The following CERS6 variants were observed in gnomAD, a reference collection of about 807,000 sequenced individuals.
CERS6 encodes the protein LAG1 homolog, ceramide synthase 6.
CERS6 carries 26 observed loss-of-function variants against 56.8 expected under a neutral mutation model. That is an observed-to-expected ratio of 0.46 (90% CI 0.34 to 0.63). The LOEUF (loss-of-function observed/expected upper bound fraction) is 0.63, where lower values mean the gene tolerates loss of function less well. Ranked by LOEUF, CERS6 falls within the 30% of genes least tolerant of loss-of-function variation. The probability of loss-of-function intolerance (pLI) is 0.01; values close to 1 mark genes in which losing one functional copy is unlikely to be tolerated. For synonymous variants in CERS6, 164 were observed against 173.3 expected (o/e 0.95, Z 0.42); for missense variants, 415 against 467.5 (o/e 0.89, Z 1.04).
chr2:168,766,616 G>T (rs1224893127), intron 9 of CERS6, among the ~76,000 whole-genome samples: 1 of 152,228 alleles, frequency 6.6e-6, no homozygotes, highest in East Asian at 1.9e-4. Context: ...TGACAGGATG[G>T]TGTGAAAGCT....
At chr2:168,485,361 TCATAGTTTA>T in intron 1 of CERS6, among the ~76,000 whole-genome samples, 1 of 152,200 alleles carries the variant, frequency 6.6e-6, no homozygotes, top group Non-Finnish European at 1.5e-5. Context: ...TAACTAAAGT[TCATAGTTTA>T]CATAAGTATT....
intron 6 of CERS6, among the ~76,000 whole-genome samples, chr2:168,706,462 A>T (rs11686406): frequency 1.3e-5 from 2 of 152,032 alleles, no homozygotes; most frequent in Admixed American, 6.5e-5. Flanking sequence ...TTTCATTTCT[A>T]TATGTTTCTA....
chr2:168,766,378 C>A, intron 9 of CERS6: 4 of 1,590,120 alleles, frequency 2.5e-6, no homozygotes, highest in Non-Finnish European at 3.4e-6. Flanking sequence ...CTATCCCTGT[C>A]CTGAGTGCCT....
intron 8 of CERS6, among the ~76,000 whole-genome samples, chr2:168,737,382 A>G (rs1559073868): frequency 6.6e-6 from 1 of 152,234 alleles, no homozygotes; most frequent in Non-Finnish European, 1.5e-5. Flanking sequence ...GTAAGGAAAA[A>G]ATTCTGCGGC....
intron 2 of CERS6, among the ~76,000 whole-genome samples, chr2:168,548,393 C>G (rs1695505409): frequency 6.6e-6 from 1 of 152,012 alleles, no homozygotes; most frequent in African/African-American, 2.4e-5. Context: ...TCCTTCAGAA[C>G]AAAGAGGGAG....
At chr2:168,682,807 A>G (rs1252085021) in intron 4 of CERS6, among the ~76,000 whole-genome samples, 2 of 152,208 alleles carry the variant, frequency 1.3e-5, no homozygotes, top group South Asian at 2.1e-4. Context: ...TAACCAGCTC[A>G]TTCCTGAAAA....
intron 4 of CERS6, among the ~76,000 whole-genome samples, chr2:168,663,889 TA>T (rs1183044870): frequency 1.3e-5 from 2 of 151,884 alleles, no homozygotes; most frequent in African/African-American, 2.4e-5. Context: ...TTGGGTCAGT[TA>T]AAAAAAATGG....
At chr2:168,457,220 G>A (rs996654588) in intron 1 of CERS6, among the ~76,000 whole-genome samples, 1 of 152,180 alleles carries the variant, frequency 6.6e-6, no homozygotes, top group Non-Finnish European at 1.5e-5. Context: ...TGGCAAATAG[G>A]GGATAATAGC....
intron 8 of CERS6, among the ~76,000 whole-genome samples, chr2:168,764,062 G>C (rs940313611): frequency 6.6e-6 from 1 of 152,160 alleles, no homozygotes; most frequent in African/African-American, 2.4e-5. Flanking sequence ...GAGAGAACCA[G>C]TTACCTCAAA....
intron 3 of CERS6, among the ~76,000 whole-genome samples, chr2:168,609,495 G>A (rs13398133): frequency 0.13 from 19,095 of 151,980 alleles, 1,554 homozygotes; most frequent in Non-Finnish European, 0.18. Context: ...GAATCTTTTC[G>A]CTCCAAGTCC....
intron 6 of CERS6, among the ~76,000 whole-genome samples, chr2:168,714,141 C>T (rs1687168198): frequency 6.6e-6 from 1 of 152,184 alleles, no homozygotes; most frequent in Non-Finnish European, 1.5e-5. Context: ...CAAAGCAGTT[C>T]TCTGGGGTCC....
chr2:168,548,169 C>T (rs964399590), intron 2 of CERS6, among the ~76,000 whole-genome samples: 3 of 152,144 alleles, frequency 2.0e-5, no homozygotes, highest in Admixed American at 1.3e-4. Flanking sequence ...GAAGGCATAA[C>T]TGCAGGATAA....
intron 6 of CERS6, among the ~76,000 whole-genome samples, chr2:168,705,355 A>G (rs568317036): frequency 6.8e-4 from 104 of 152,256 alleles, no homozygotes; most frequent in Non-Finnish European, 1.4e-3. Context: ...AAACGCAAGC[A>G]TCACAGCCAG....
At position 168,535,669 on chromosome 2, in the gene CERS6, GTT is replaced by G. The variant is rs59139047; in HGVS notation, c.171-11909_171-11908del. ...CCTGCCCAACAATGTTTTGATACCA[GTT>G]TTTTTTTTTTTTTTTTTGAATGAGG... On this transcript the variant is annotated intron_variant, in intron 1 of 9. Coordinates refer to ENST00000305747, the MANE Select transcript of CERS6 (RefSeq NM_203463.3). Among the ~76,000 whole-genome samples, 305 of 115,560 alleles carry G rather than the reference GTT, an allele frequency of 2.6e-3. 1 individual carries two copies. The highest frequency in any genetic ancestry group is 7.1e-3 in the African/African-American group (214 of 30,056). 75.8% of individuals were successfully genotyped at this position (115,560 alleles called of 152,430 possible). A position where few individuals can be genotyped will look rare whatever the true frequency, so the allele number is the denominator to read the frequency against.
intron 1 of CERS6, among the ~76,000 whole-genome samples, chr2:168,497,829 TG>T (rs1694500263): frequency 6.6e-6 from 1 of 152,098 alleles, no homozygotes; most frequent in Non-Finnish European, 1.5e-5. Context: ...AGAGGGGAGA[TG>T]CAGAAAAACC....
At chr2:168,735,514 G>A (rs755156723) in intron 8 of CERS6, among the ~76,000 whole-genome samples, 2 of 152,058 alleles carry the variant, frequency 1.3e-5, no homozygotes, top group Non-Finnish European at 2.9e-5. Context: ...GTGATCCTTG[G>A]ACATGAAACA....
intron 4 of CERS6, among the ~76,000 whole-genome samples, chr2:168,678,897 G>A (rs1173169171): frequency 2.6e-5 from 4 of 152,164 alleles, no homozygotes; most frequent in African/African-American, 9.7e-5. Flanking sequence ...GTTTATTGCA[G>A]CAACATTCAA....
intron 3 of CERS6, among the ~76,000 whole-genome samples, chr2:168,596,273 G>T (rs1683794273): frequency 6.6e-6 from 1 of 151,804 alleles, no homozygotes; most frequent in Non-Finnish European, 1.5e-5. Flanking sequence ...GTTTATTGCT[G>T]ATCACAGGGT....
At chr2:168,580,077 A>G (rs1018869901) in intron 3 of CERS6, among the ~76,000 whole-genome samples, 7 of 152,204 alleles carry the variant, frequency 4.6e-5, no homozygotes, top group Non-Finnish European at 7.3e-5. Context: ...CCCAAACACT[A>G]TAATTTAGTT....
Sources: allele counts gnomAD v4.1 joint callset (sites outside exome capture counted in the v4.1 genomes callset), GRCh38; gene constraint gnomAD v4.1.1; transcripts MANE v1.5; gene names NCBI Gene and HGNC (gene_info 2026-07-23, HGNC 2026-07-21).